RYR1: variants seen among roughly 807,000 people sequenced by gnomAD.
RYR1 encodes central core disease of muscle.
A neutral mutation model predicts 583.5 loss-of-function variants in RYR1; 342 were observed. The ratio of observed to expected loss-of-function variants is 0.59; its 90% confidence interval spans 0.54 to 0.64. The LOEUF is 0.64. Ranked by LOEUF, RYR1 falls within the 30% of genes least tolerant of loss-of-function variation. RYR1 has a pLI of 0.00. For synonymous variants in RYR1, 2,791 were observed against 2,822.5 expected (o/e 0.99, Z 0.35); for missense variants, 6,032 against 6,917.2 (o/e 0.87, Z 4.54).
Position 38,510,570 on chromosome 19 carries a change from G to T in RYR1, c.9000+5G>T. 1 of 1,614,170 alleles carries T rather than the reference G, an allele frequency of 6.2e-7. No individual in the cohort carries two copies. The highest frequency in any genetic ancestry group is 8.5e-7 in the Non-Finnish European group (1 of 1,180,038). On this transcript the variant is annotated splice_donor_5th_base_variant and intron_variant, in intron 59 of 105. Transcript: ENST00000359596. ...GAGATTAAATTCTTTGCCAAGGTGA[G>T]AGGTGGGCTTAGAAGCTGGAGGGCG...
intron 33 of RYR1, among the ~76,000 whole-genome samples, chr19:38,484,656 G>A (rs10409638): frequency 0.62 from 94,163 of 151,970 alleles, 32,009 homozygotes; most frequent in African/African-American, 0.89. Flanking sequence ...AGACACACCC[G>A]TTTATTAATT....
rs768539376 is a variant in RYR1, at chr19:38,459,178, C to A, written c.2200C>A (p.Gln734Lys). Residue 734 changes from glutamine to lysine, a missense_variant, in exon 19 of 106, where the codon CAG becomes AAG. This residue lies in a region of RYR1 where 2,627 missense variants were observed against 2,961.3 expected (regional missense o/e 0.89). Coordinates refer to ENST00000359596, the MANE Select transcript of RYR1 (RefSeq NM_000540.3). ...HVARPVTSPG[Q>K]HLLAPEDVIS... ...GGCACGCCCAGTGACTTCCCCAGGG[C>A]AGCACCTCCTGGCCCCTGAAGACGT... The A allele has an allele frequency of 6.2e-7, 1 of 1,613,946 alleles. No homozygotes were observed. The highest frequency in any genetic ancestry group is 1.3e-5 in the African/African-American group (1 of 75,036).
At chr19:38,477,935 G>A (rs977015764) in intron 30 of RYR1, 65 bp downstream of exon 30, 195 of 1,498,374 alleles carry the variant, frequency 1.3e-4, no homozygotes, top group Non-Finnish European at 1.7e-4. Flanking sequence ...CAGAGCTCCC[G>A]ACACCAGCTC....
intron 58 of RYR1, 152 bp from the exon 59 acceptor site, chr19:38,510,346 G>A (rs1970671732): frequency 1.3e-6 from 1 of 766,772 alleles, no homozygotes; most frequent in Admixed American, 2.3e-5. Context: ...AAAGATAGGA[G>A]AAAGGTTTAT....
At chr19:38,583,354 CTG>C (rs1974302366) in intron 101 of RYR1, among the ~76,000 whole-genome samples, 1 of 151,164 alleles carries the variant, frequency 6.6e-6, no homozygotes, top group African/African-American at 2.4e-5. Flanking sequence ...TGACACGCAC[CTG>C]TATTCCCGAC....
At chr19:38,515,781 T>C (rs990238949) in intron 64 of RYR1, among the ~76,000 whole-genome samples, 1 of 152,002 alleles carries the variant, frequency 6.6e-6, no homozygotes, top group Non-Finnish European at 1.5e-5. Flanking sequence ...AAAACGACTT[T>C]TTTTAAAACT....
chr19:38,566,910 G>C lies in RYR1; in HGVS notation c.13438-1G>C. ...AGCCCTGATGCTTGCCCTGTCCCTAGGTGGATGGAGTGGAGGAGGAGCTCC... is the reference window on the plus strand; with the variant it reads ...AGCCCTGATGCTTGCCCTGTCCCTACGTGGATGGAGTGGAGGAGGAGCTCC... On this transcript the variant is annotated splice_acceptor_variant, in intron 91 of 105. Coordinates refer to ENST00000359596, the MANE Select transcript of RYR1 (RefSeq NM_000540.3). LOFTEE classifies it high-confidence loss of function. The C allele has an allele frequency of 1.9e-6, 3 of 1,604,424 alleles. No homozygotes were observed. The highest frequency in any genetic ancestry group is 2.6e-6 in the Non-Finnish European group (3 of 1,175,826).
intron 42 of RYR1, 49 bp downstream of exon 42, chr19:38,497,003 G>A (rs747267489): frequency 1.3e-5 from 19 of 1,512,962 alleles, no homozygotes; most frequent in South Asian, 3.4e-5. Flanking sequence ...AAATCGGGCC[G>A]CTACCCGGCT....
chr19:38,459,154 G>A lies in RYR1; in HGVS notation c.2176G>A (p.Ala726Thr). ...TCTGGTGACTGATGCAGGACACGTG[G>A]CACGCCCAGTGACTTCCCCAGGGCA... ...DGLHLWTGHV[A>T]RPVTSPGQHL... Residue 726 changes from alanine (A) to threonine (T), a missense_variant, in exon 19 of 106, where the codon GCA becomes ACA. Coordinates refer to ENST00000359596, the MANE Select transcript of RYR1 (RefSeq NM_000540.3). 2 of 1,613,192 alleles carry A rather than the reference G, an allele frequency of 1.2e-6. No homozygotes were observed. The highest frequency in any genetic ancestry group is 1.7e-6 in the Non-Finnish European group (2 of 1,180,000).
At chr19:38,528,285 G>T (rs372045197) in intron 73 of RYR1, 21 bp from the exon 74 acceptor site, 236 of 1,604,858 alleles carry the variant, frequency 1.5e-4, no homozygotes, top group Non-Finnish European at 2.0e-4. Flanking sequence ...GGATGTGACT[G>T]TCCTGCTATC....
chr19:38,499,743 C>G lies in RYR1; in HGVS notation c.7136C>G (p.Ala2379Gly). ...GAGGGTGGCTCAGGGCTGCTGGCTGCCATCGAAGAGGCCATCCGCATCTCC... is the reference window on the plus strand; with the variant it reads ...GAGGGTGGCTCAGGGCTGCTGGCTGGCATCGAAGAGGCCATCCGCATCTCC... Reference protein sequence around the residue: ...RGEGGSGLLAAIEEAIRISED... With the variant: ...RGEGGSGLLAGIEEAIRISED... The change falls in exon 44 of 106, where the codon GCC (alanine) becomes GGC (glycine). Residue 2379 changes from alanine (A) to glycine (G), a missense_variant. By Grantham distance (60) the Ala-to-Gly change is moderately conservative. This residue lies in a region of RYR1 where 2,627 missense variants were observed against 2,961.3 expected (regional missense o/e 0.89). Coordinates refer to ENST00000359596, the MANE Select transcript of RYR1 (RefSeq NM_000540.3). The surrounding 1 kb of genome is among the most constrained non-coding windows in gnomAD (Gnocchi z 7.3). The G allele has an allele frequency of 6.2e-7, 1 of 1,601,782 alleles. No individual in the cohort carries two copies. Among genetic ancestry groups the G allele is most frequent in the Non-Finnish European group, 8.5e-7 (1 of 1,179,288 alleles).
chr19:38,544,218 G>A (rs1568558815), intron 87 of RYR1, among the ~76,000 whole-genome samples: 1 of 152,170 alleles, frequency 6.6e-6, no homozygotes, highest in Non-Finnish European at 1.5e-5. Flanking sequence ...GGGCTAGGAT[G>A]GGGCTGGTTT....
rs368954316 is a variant in RYR1 at position 38,438,650 on chromosome 19, G to C, written c.46-2095G>C. On this transcript the variant is annotated intron_variant, in intron 1 of 105. Transcript: ENST00000359596. ...TTTTTTTTTTTTGAGATGGAGTCTC[G>C]CTCTGTCACCCAGGCTCGAGTTCAG... is the stretch of plus-strand genomic sequence containing the variant. 4.5e-5 allele frequency among the ~76,000 whole-genome samples: 5 copies of C among 111,892 alleles called. No individual in the cohort carries two copies. In the Admixed American group the frequency reaches 6.6e-4, roughly 15 times the overall value. The allele number at this position is 111,892 out of a possible 152,430, so 73.4% of individuals were successfully genotyped here.
chr19:38,477,998 T>G, intron 30 of RYR1, 128 bp downstream of exon 30: 4 of 891,866 alleles, frequency 4.5e-6, no homozygotes, highest in Non-Finnish European at 7.1e-6. Flanking sequence ...GAGGATTCTC[T>G]GGGGCACTGG....
intron 1 of RYR1, among the ~76,000 whole-genome samples, chr19:38,435,665 G>T (rs772382080): frequency 1.2e-4 from 18 of 152,036 alleles, no homozygotes; most frequent in Middle Eastern, 3.2e-3. Flanking sequence ...GAACCTGGGA[G>T]GCAGAGGTTG....
chr19:38,556,013 G>A (rs184592106), intron 89 of RYR1, among the ~76,000 whole-genome samples: 15 of 152,044 alleles, frequency 9.9e-5, no homozygotes, highest in African/African-American at 2.2e-4. Flanking sequence ...ACAGGCATGC[G>A]CCACCACACC....
rs727504131 is a variant in RYR1, at chr19:38,492,512, G to C, written c.6150G>C (p.Glu2050Asp). 2 of 1,614,152 alleles carry C rather than the reference G, an allele frequency of 1.2e-6. No individual in the cohort carries two copies. Among genetic ancestry groups the C allele is most frequent in the South Asian group, 1.1e-5 (1 of 91,082 alleles). ...CAGGAATTCAGCTAGATGGAGAGGA[G>C]GAGGAACCAGAGGAAGAGACCACCC... Reference protein sequence around the residue: ...AHCGIQLDGEEEEPEEETTLG... With the variant: ...AHCGIQLDGEDEEPEEETTLG... Residue 2050 changes from glutamate to aspartate, a missense_variant, in exon 38 of 106, where the codon GAG becomes GAC. By Grantham distance (45) the Glu-to-Asp change is conservative. Transcript: ENST00000359596.
At chr19:38,448,987 G>A (rs1444691512) in intron 11 of RYR1, among the ~76,000 whole-genome samples, 174 bp downstream of exon 11, 1 of 151,948 alleles carries the variant, frequency 6.6e-6, no homozygotes, top group African/African-American at 2.4e-5. Flanking sequence ...GGAGTTTGAG[G>A]ATGAGACTGA....
chr19:38,524,252 T>C (rs1971368222), intron 70 of RYR1, among the ~76,000 whole-genome samples: 2 of 134,218 alleles, frequency 1.5e-5, no homozygotes, highest in South Asian at 4.7e-4. Context: ...TGGGCTGAGG[T>C]CAAGGGTAAT....
Sources: allele counts gnomAD v4.1 joint callset (sites outside exome capture counted in the v4.1 genomes callset), GRCh38; gene constraint gnomAD v4.1.1; regional missense constraint gnomAD v4.1.1; non-coding constraint Gnocchi (gnomAD v3.1); transcripts MANE v1.5; gene names NCBI Gene and HGNC (gene_info 2026-07-23, HGNC 2026-07-21).